The following SCD5 variants were observed in gnomAD, a reference collection of about 807,000 sequenced individuals.
SCD5 encodes stearoyl-CoA desaturase 5, also known as acyl-CoA-desaturase 4.
In SCD5, 20 loss-of-function variants were observed where a neutral mutation model predicts 30.4. That is an observed-to-expected ratio of 0.66 (90% confidence interval 0.46 to 0.96). SCD5 has a LOEUF of 0.96. Among genes scored for constraint, SCD5 ranks in the 40% least tolerant of loss-of-function variants. The probability of loss-of-function intolerance (pLI) is 0.00; values close to 1 mark genes in which losing one functional copy is unlikely to be tolerated. For missense variants in SCD5, 381 were observed against 443.3 expected (o/e 0.86, Z 1.26); for synonymous variants, 173 against 176.4 (o/e 0.98, Z 0.16).
chr4:82,681,812 A>C (rs115172214), intron 2 of SCD5, among the ~76,000 whole-genome samples: 1 of 152,158 alleles, frequency 6.6e-6, no homozygotes, highest in African/African-American at 2.4e-5. Context: ...TCTTAGGATG[A>C]AATCTTGGTT....
At chr4:82,706,128 C>G (rs1012428350) in intron 1 of SCD5, among the ~76,000 whole-genome samples, 6 of 152,184 alleles carry the variant, frequency 3.9e-5, no homozygotes, top group African/African-American at 1.4e-4. Context: ...GTAATTTAAC[C>G]TTGGTCATGA....
chr4:82,773,785 C>G (rs557296797), intron 1 of SCD5, among the ~76,000 whole-genome samples: 127 of 152,162 alleles, frequency 8.3e-4, no homozygotes, highest in African/African-American at 3.0e-3. Flanking sequence ...TGGTTGAGAG[C>G]ACTGGTATAA....
intron 3 of SCD5, 143 bp from the exon 4 acceptor site, chr4:82,636,966 C>T: frequency 1.5e-6 from 1 of 680,090 alleles, no homozygotes. Flanking sequence ...TATGTGGAAG[C>T]CTGTTGTGTA....
chr4:82,715,759 A>C (rs1002737689), intron 1 of SCD5, among the ~76,000 whole-genome samples: 2 of 151,664 alleles, frequency 1.3e-5, no homozygotes, highest in African/African-American at 4.9e-5. Flanking sequence ...AAAGTTAAGA[A>C]CTCTTAGCTG....
chr4:82,672,747 A>G (rs182823615), intron 3 of SCD5, among the ~76,000 whole-genome samples: 83 of 152,262 alleles, frequency 5.5e-4, no homozygotes, highest in African/African-American at 1.9e-3. Flanking sequence ...ATATTATAAG[A>G]AAACAACAAA....
At chr4:82,770,513 T>C (rs1230032049) in intron 1 of SCD5, among the ~76,000 whole-genome samples, 1 of 152,248 alleles carries the variant, frequency 6.6e-6, no homozygotes, top group East Asian at 1.9e-4. Context: ...TCTAGGGATT[T>C]CATCCATTCA....
chr4:82,700,949 G>A (rs1209939706), intron 2 of SCD5, among the ~76,000 whole-genome samples: 1 of 152,092 alleles, frequency 6.6e-6, no homozygotes, highest in Non-Finnish European at 1.5e-5. Context: ...CTACATAAGT[G>A]AAGGTAAAAT....
intron 2 of SCD5, among the ~76,000 whole-genome samples, chr4:82,699,574 T>G (rs1419439532): frequency 9.2e-5 from 6 of 65,108 alleles, no homozygotes; most frequent in African/African-American, 4.2e-4. Context: ...TTTTTTGTTT[T>G]TTTTTTTTTT....
Position 82,630,472 on chromosome 4 carries a change from T to C in SCD5, c.*855A>G, listed in dbSNP as rs1727261544. 6.6e-6 allele frequency: 1 copy of C among 152,206 alleles called. No individual in the cohort carries two copies. Among genetic ancestry groups the C allele is most frequent in the African/African-American group, 2.4e-5 (1 of 41,460 alleles). The allele number at this position is 152,206 out of a possible 1,614,324, so 9.4% of individuals were successfully genotyped here. ...TCAGATGGTTGTTTAAAAGCAATGATGGGTTAATTGGTAGAAAAGAAAACA... is the reference window on the plus strand; with the variant it reads ...TCAGATGGTTGTTTAAAAGCAATGACGGGTTAATTGGTAGAAAAGAAAACA... On this transcript the variant is annotated 3_prime_UTR_variant, in exon 5 of 5. Transcript: ENST00000319540.
At chr4:82,778,132 C>T (rs1721793072) in intron 1 of SCD5, among the ~76,000 whole-genome samples, 1 of 152,134 alleles carries the variant, frequency 6.6e-6, no homozygotes, top group Admixed American at 6.5e-5. Flanking sequence ...AAACCAAACA[C>T]CACACGTTCT....
rs867681530 is a variant in SCD5, at chr4:82,680,823, G to T, written c.453C>A (p.Phe151Leu). Reference protein sequence around the residue: ...DADPHNARRGFFFSHIGWLFV... With the variant: ...DADPHNARRGLFFSHIGWLFV... ...ACAGCCACCCAATATGGGAGAAGAA[G>T]AAGCCCCGGCGGGCATTGTGGGGGT... is the stretch of plus-strand genomic sequence containing the variant. The change falls in exon 3 of 5, where the codon TTC (phenylalanine) becomes TTA (leucine). Residue 151 changes from phenylalanine (F) to leucine (L), a missense_variant. Coordinates refer to ENST00000319540, the MANE Select transcript of SCD5 (RefSeq NM_001037582.3). 1 of 1,613,856 alleles carries T rather than the reference G, an allele frequency of 6.2e-7. No individual in the cohort carries two copies. The highest frequency in any genetic ancestry group is 1.1e-5 in the South Asian group (1 of 91,044).
At chr4:82,779,528 G>A (rs2148850855) in intron 1 of SCD5, among the ~76,000 whole-genome samples, 1 of 152,294 alleles carries the variant, frequency 6.6e-6, no homozygotes, top group South Asian at 2.1e-4. Flanking sequence ...TGCATCAGTG[G>A]GCAATGCTGT....
At chr4:82,665,211 T>G in intron 3 of SCD5, among the ~76,000 whole-genome samples, 1 of 131,586 alleles carries the variant, frequency 7.6e-6, no homozygotes. Flanking sequence ...CACTGAAGCC[T>G]GAGTGATGAG....
intron 1 of SCD5, among the ~76,000 whole-genome samples, chr4:82,725,285 T>C (rs369660923): frequency 1.2e-4 from 19 of 152,346 alleles, no homozygotes; most frequent in Admixed American, 3.3e-4. Flanking sequence ...AGGCTCCTGA[T>C]GGTGATAATC....
At chr4:82,792,130 G>A (rs1431119247) in intron 1 of SCD5, among the ~76,000 whole-genome samples, 1 of 152,170 alleles carries the variant, frequency 6.6e-6, no homozygotes, top group Non-Finnish European at 1.5e-5. Context: ...GGCAGTGCAT[G>A]CCTGTAATCC....
chr4:82,785,088 C>G (rs2148852482), intron 1 of SCD5, among the ~76,000 whole-genome samples: 1 of 152,258 alleles, frequency 6.6e-6, no homozygotes, highest in South Asian at 2.1e-4. Context: ...CAGATCTCAT[C>G]TATACTCACA....
intron 2 of SCD5, among the ~76,000 whole-genome samples, chr4:82,687,145 T>C (rs1460793389): frequency 3.6e-5 from 5 of 140,040 alleles, no homozygotes; most frequent in African/African-American, 1.1e-4. Context: ...CACTCCAGCC[T>C]GGGCAACAGA....
intron 3 of SCD5, among the ~76,000 whole-genome samples, chr4:82,647,806 T>C (rs530580338): frequency 2.6e-5 from 4 of 152,374 alleles, no homozygotes; most frequent in East Asian, 3.9e-4. Flanking sequence ...GTTGAAGATA[T>C]ACATGTTCAA....
intron 1 of SCD5, among the ~76,000 whole-genome samples, chr4:82,726,405 G>A (rs1251294826): frequency 6.8e-5 from 8 of 118,386 alleles, no homozygotes; most frequent in African/African-American, 2.4e-4. Context: ...CAACAACAGC[G>A]AAACTCTGTC....
Sources: allele counts gnomAD v4.1 joint callset (sites outside exome capture counted in the v4.1 genomes callset), GRCh38; gene constraint gnomAD v4.1.1; transcripts MANE v1.5; gene names NCBI Gene and HGNC (gene_info 2026-07-23, HGNC 2026-07-21).